HERC3: variants seen among roughly 807,000 people sequenced by gnomAD.
HERC3 encodes the protein HECT and RLD domain containing E3 ubiquitin protein ligase 3.
HERC3 carries 58 observed loss-of-function variants against 129.9 expected under a neutral mutation model. The observed-to-expected ratio is 0.45, with a 90% confidence interval of 0.36 to 0.56. HERC3 has a LOEUF of 0.56. Among genes scored for constraint, HERC3 ranks in the 20% least tolerant of loss-of-function variants. HERC3 has a pLI of 0.00. For missense variants in HERC3, 835 were observed against 1,244.2 expected (o/e 0.67, Z 4.95); for synonymous variants, 430 against 451.0 (o/e 0.95, Z 0.59).
In HERC3 at chr4:88,622,236, C is replaced by T. The variant is rs180815562; in HGVS notation, c.226+16187C>T. On this transcript the variant is annotated intron_variant, in intron 3 of 25. Coordinates refer to ENST00000402738, the MANE Select transcript of HERC3 (RefSeq NM_014606.3). ...AACATTTCATGTAAATGAGATGATA[C>T]GATATGTGGTCTTCTGTGACTGGCT... is the stretch of plus-strand genomic sequence containing the variant. 3.4e-3 allele frequency among the ~76,000 whole-genome samples: 524 copies of T among 152,262 alleles called. 1 individual carries two copies. The highest frequency in any genetic ancestry group is 6.2e-3 in the Non-Finnish European group (425 of 68,022).
Position 88,653,058 on chromosome 4 carries a change from A to G in HERC3, c.653A>G (p.Asn218Ser), listed in dbSNP as rs988112428. 14 of 1,614,088 alleles carry G rather than the reference A, an allele frequency of 8.7e-6. No homozygotes were observed. Among genetic ancestry groups the G allele is most frequent in the Non-Finnish European group, 1.0e-5 (12 of 1,180,026 alleles). ...SGAVFGWGMN[N>S]AGQLGLSDEK... is the part of the protein sequence containing the mutation. The stretch of plus-strand genomic sequence containing the variant: ...GCTGTTTTTGGCTGGGGGATGAATA[A>G]TGCCGGGCAGCTAGGGCTCAGTGAT... The change falls in exon 6 of 26, where the codon AAT becomes AGT. Residue 218 changes from asparagine (N) to serine (S), a missense_variant. Coordinates refer to ENST00000402738, the MANE Select transcript of HERC3 (RefSeq NM_014606.3).
chr4:88,555,851 A>G, the HERC3 span, among the ~76,000 whole-genome samples: 21,036 of 152,110 alleles, frequency 0.14, 1,710 homozygotes, highest in Admixed American at 0.23. Flanking sequence ...ATGTTACTCT[A>G]TATGAAATTG....
At chr4:88,662,167 G>A (rs1730558923) in intron 10 of HERC3, among the ~76,000 whole-genome samples, 1 of 152,158 alleles carries the variant, frequency 6.6e-6, no homozygotes. Flanking sequence ...CTGAGTTGAG[G>A]CAAGCGGGCT....
intron 19 of HERC3, among the ~76,000 whole-genome samples, chr4:88,679,406 AT>A (rs1732514319): frequency 6.6e-6 from 1 of 151,430 alleles, no homozygotes; most frequent in Non-Finnish European, 1.5e-5. Flanking sequence ...ATGAAAAATC[AT>A]TTTTTTCTAT....
At chr4:88,676,654 C>A (rs891112557) in intron 18 of HERC3, among the ~76,000 whole-genome samples, 2 of 152,158 alleles carry the variant, frequency 1.3e-5, no homozygotes, top group Non-Finnish European at 2.9e-5. Context: ...ATGTTTTAAG[C>A]TTTGGGAACC....
chr4:88,554,541 T>G, the HERC3 span, among the ~76,000 whole-genome samples: 1 of 152,200 alleles, frequency 6.6e-6, no homozygotes, highest in East Asian at 1.9e-4. Flanking sequence ...TGTGAACAAC[T>G]GAGGCATAGG....
intron 23 of HERC3, among the ~76,000 whole-genome samples, chr4:88,688,002 G>T (rs1733663214): frequency 6.6e-6 from 1 of 152,154 alleles, no homozygotes; most frequent in Non-Finnish European, 1.5e-5. Context: ...CATAGTGCTG[G>T]GTATAGAGGG....
At chr4:88,554,815 A>G in the HERC3 span, among the ~76,000 whole-genome samples, 1 of 152,212 alleles carries the variant, frequency 6.6e-6, no homozygotes, top group Non-Finnish European at 1.5e-5. Context: ...TGGCCTAGTA[A>G]TAGGTATAGC....
chr4:88,546,581 C>T, the HERC3 span, among the ~76,000 whole-genome samples: 1 of 150,684 alleles, frequency 6.6e-6, no homozygotes, highest in African/African-American at 2.4e-5. Context: ...GCGATCATGG[C>T]TCACTGCAGC....
chr4:88,609,417 C>T (rs1035886584), intron 3 of HERC3, among the ~76,000 whole-genome samples: 1 of 152,154 alleles, frequency 6.6e-6, no homozygotes, highest in Non-Finnish European at 1.5e-5. Context: ...TATATCATGC[C>T]TCAGAAATTA....
At chr4:88,539,171 G>T in the HERC3 span, among the ~76,000 whole-genome samples, 1 of 152,184 alleles carries the variant, frequency 6.6e-6, no homozygotes, top group African/African-American at 2.4e-5. Flanking sequence ...CCTAGCCAAG[G>T]GAAGCCATGA....
At chr4:88,662,380 A>T in intron 10 of HERC3, 51 bp from the exon 11 acceptor site, 6 of 1,539,978 alleles carry the variant, frequency 3.9e-6, no homozygotes, top group African/African-American at 1.4e-5. Flanking sequence ...AGAGGAGACA[A>T]GATCCATGCT....
the HERC3 span, among the ~76,000 whole-genome samples, chr4:88,571,440 G>A: frequency 6.6e-6 from 1 of 152,170 alleles, no homozygotes; most frequent in African/African-American, 2.4e-5. Context: ...AGTAGCAAAA[G>A]AAGAAACTAG....
rs576505135 is a variant in HERC3 at position 88,623,243 on chromosome 4, G to A, written c.226+17194G>A. ...GTCATGTTTGTTCAGAAAAAGTTTC[G>A]CAAGGGATTCTGATGCTCATTTTTT... On this transcript the variant is annotated intron_variant, in intron 3 of 25. Transcript: ENST00000402738. 1.7e-3 allele frequency among the ~76,000 whole-genome samples: 260 copies of A among 152,224 alleles called. 1 individual carries two copies. The highest frequency in any genetic ancestry group is 2.8e-3 in the Non-Finnish European group (190 of 68,024).
chr4:88,662,374 G>A, intron 10 of HERC3, 57 bp from the exon 11 acceptor site: 1 of 1,508,204 alleles, frequency 6.6e-7, no homozygotes, highest in Non-Finnish European at 9.0e-7. Context: ...GAAAGGAGAG[G>A]AGACAAGATC....
chr4:88,606,248 CTTTTCTT>C (rs1015423564), intron 3 of HERC3, among the ~76,000 whole-genome samples, 199 bp downstream of exon 3: 1 of 143,918 alleles, frequency 6.9e-6, no homozygotes, highest in African/African-American at 2.7e-5. Flanking sequence ...CTTTTCTTTT[CTTTTCTT>C]TTTTTTTTTT....
intron 10 of HERC3, among the ~76,000 whole-genome samples, chr4:88,659,312 C>A (rs1379137354): frequency 2.0e-5 from 3 of 152,186 alleles, no homozygotes; most frequent in Non-Finnish European, 2.9e-5. Context: ...TCAGAATTGA[C>A]TGGGAAGATA....
At chr4:88,654,244 C>T in intron 7 of HERC3, 111 bp downstream of exon 7, 1 of 620,356 alleles carries the variant, frequency 1.6e-6, no homozygotes, top group East Asian at 3.0e-5. Flanking sequence ...GTGGCTTGAA[C>T]TTGAATGCTC....
At chr4:88,676,196 C>G (rs1732147103) in intron 16 of HERC3, 22 bp from the exon 17 acceptor site, 1 of 1,519,292 alleles carries the variant, frequency 6.6e-7, no homozygotes, top group Admixed American at 1.8e-5. Flanking sequence ...AAGTAAGAGA[C>G]TTTTTATTTT....
Sources: gnomAD v4.1 joint callset for allele counts (sites outside exome capture counted in the v4.1 genomes callset) on GRCh38, gnomAD v4.1.1 for gene constraint, MANE v1.5 for transcripts, NCBI Gene and HGNC (gene_info 2026-07-23, HGNC 2026-07-21) for gene names.